The following CDC14A variants were observed in gnomAD, a reference collection of about 807,000 sequenced individuals.
The protein encoded by CDC14A is cell division cycle 14A.
Under a neutral mutation model 74.4 loss-of-function variants are expected in CDC14A, and 53 were observed. The observed-to-expected ratio is 0.71, with a 90% CI of 0.57 to 0.89. The LOEUF is 0.89. CDC14A is among the 40% of genes least tolerant of loss of function. CDC14A has a pLI of 0.00. For missense variants in CDC14A, 646 were observed against 713.7 expected (o/e 0.91, Z 1.08); for synonymous variants, 247 against 258.4 (o/e 0.96, Z 0.43).
intron 4 of CDC14A, among the ~76,000 whole-genome samples, chr1:100,392,407 T>A (rs1317786748): frequency 6.6e-6 from 1 of 152,082 alleles, no homozygotes; most frequent in Non-Finnish European, 1.5e-5. Context: ...TCCTTTCTCA[T>A]AAAGGATTGC....
At chr1:100,474,364 A>G (rs1375508719) in intron 10 of CDC14A, among the ~76,000 whole-genome samples, 2 of 152,098 alleles carry the variant, frequency 1.3e-5, no homozygotes, top group Non-Finnish European at 2.9e-5. Context: ...TGAATTGGGA[A>G]TTGTTCTTCT....
chr1:100,356,220 G>A (rs779394630), intron 2 of CDC14A, among the ~76,000 whole-genome samples: 1 of 152,172 alleles, frequency 6.6e-6, no homozygotes, highest in Non-Finnish European at 1.5e-5. Flanking sequence ...GACTCTTGAG[G>A]GATTTGGGGC....
chr1:100,441,013 A>G (rs572921328), intron 6 of CDC14A, among the ~76,000 whole-genome samples: 1 of 152,230 alleles, frequency 6.6e-6, no homozygotes, highest in Non-Finnish European at 1.5e-5. Flanking sequence ...ACGTTACCCA[A>G]CATATAACAG....
At chr1:100,468,680 A>T (rs1034224205) in intron 10 of CDC14A, among the ~76,000 whole-genome samples, 6 of 152,204 alleles carry the variant, frequency 3.9e-5, no homozygotes, top group African/African-American at 1.4e-4. Flanking sequence ...TCCCACAGCC[A>T]TTCATTCATT....
intron 9 of CDC14A, among the ~76,000 whole-genome samples, chr1:100,463,881 A>C (rs975608269): frequency 6.6e-6 from 1 of 151,988 alleles, no homozygotes; most frequent in Non-Finnish European, 1.5e-5. Flanking sequence ...CCTCATGTGC[A>C]GCTCCTCCTA....
In CDC14A at chr1:100,508,609, T is replaced by G. The variant is rs116660507; in HGVS notation, c.1755+9347T>G. 0.012 allele frequency among the ~76,000 whole-genome samples: 1,822 copies of G among 152,266 alleles called. 31 individuals are homozygous for G. Among genetic ancestry groups the G allele is most frequent in the Non-Finnish European group, 0.015 (1,037 of 68,012 alleles). On this transcript the variant is annotated intron_variant, in intron 15 of 15. Transcript: ENST00000336454. This position sits in a 1 kb window ranked among gnomAD's most constrained non-coding sequence, Gnocchi z 4.4. Reference sequence around the variant, plus strand: ...GACCTTAATGACCCAGGCTTCCATCTCTTGGTGAGCTCCTCCCAGGCTTTC... The same window carrying G: ...GACCTTAATGACCCAGGCTTCCATCGCTTGGTGAGCTCCTCCCAGGCTTTC...
intron 3 of CDC14A, among the ~76,000 whole-genome samples, chr1:100,379,101 C>T (rs964492985): frequency 6.6e-6 from 1 of 152,020 alleles, no homozygotes; most frequent in Non-Finnish European, 1.5e-5. Flanking sequence ...AATCTGGGAA[C>T]CGAGTACTAT....
intron 7 of CDC14A, among the ~76,000 whole-genome samples, chr1:100,450,193 C>G (rs1423850771): frequency 1.3e-5 from 2 of 152,164 alleles, no homozygotes; most frequent in East Asian, 3.8e-4. Context: ...GTGTAGAGTC[C>G]TAACAATTGC....
chr1:100,518,150 G>T, intron 15 of CDC14A, 101 bp from the exon 16 acceptor site: 1 of 801,712 alleles, frequency 1.2e-6, no homozygotes. Flanking sequence ...TTATTTCATT[G>T]ATCTCTAAGC....
At chr1:100,492,074 T>C (rs1056629100) in intron 11 of CDC14A, among the ~76,000 whole-genome samples, 4 of 152,148 alleles carry the variant, frequency 2.6e-5, no homozygotes, top group Non-Finnish European at 4.4e-5. Context: ...CTGTGTATTG[T>C]AGTATTTTTG....
Position 100,518,446 on chromosome 1 carries a change from A to G in CDC14A, c.*166A>G. 1.7e-6 allele frequency: 1 copy of G among 572,956 alleles called. No homozygotes were observed. The highest frequency in any genetic ancestry group is 3.1e-6 in the Non-Finnish European group (1 of 317,780). The allele number at this position is 572,956 out of a possible 1,614,324, so 35.5% of individuals were successfully genotyped here. ...CACCTTCAAGAGACTTGAAAACAGA[A>G]AACTGGTTAATGACTACTATAAATG... On this transcript the variant is annotated 3_prime_UTR_variant, in exon 16 of 16. Coordinates refer to ENST00000336454, the MANE Select transcript of CDC14A (RefSeq NM_003672.4).
chr1:100,372,984 G>T (rs995754584), intron 2 of CDC14A, among the ~76,000 whole-genome samples: 1 of 152,132 alleles, frequency 6.6e-6, no homozygotes, highest in Non-Finnish European at 1.5e-5. Flanking sequence ...TTTTGTTTTT[G>T]TATCATTCAT....
At chr1:100,389,773 A>T (rs1207777353) in intron 3 of CDC14A, among the ~76,000 whole-genome samples, 1 of 152,156 alleles carries the variant, frequency 6.6e-6, no homozygotes, top group Non-Finnish European at 1.5e-5. Flanking sequence ...TTTATAGTCA[A>T]TGTGAATTTA....
intron 10 of CDC14A, among the ~76,000 whole-genome samples, chr1:100,476,396 C>T (rs1010849885): frequency 1.2e-4 from 18 of 152,056 alleles, no homozygotes; most frequent in South Asian, 4.1e-4. Context: ...TGCAGTGAGC[C>T]GAGATTGTGC....
At chr1:100,417,181 C>T (rs1481320829) in intron 4 of CDC14A, among the ~76,000 whole-genome samples, 1 of 152,156 alleles carries the variant, frequency 6.6e-6, no homozygotes. Flanking sequence ...AAAAGACTGT[C>T]TCACTTTAGA....
In CDC14A at chr1:100,450,081, T is replaced by A. The variant is rs139074645; in HGVS notation, c.520-5324T>A. On this transcript the variant is annotated intron_variant, in intron 7 of 15. Transcript: ENST00000336454. Reference sequence around the variant, plus strand: ...AGATGTTTTAATCTAAGACCAGTTCTGTATGGAACATCAATTTAGTTTAAT... The same window carrying A: ...AGATGTTTTAATCTAAGACCAGTTCAGTATGGAACATCAATTTAGTTTAAT... Among the ~76,000 whole-genome samples the A allele has an allele frequency of 2.4e-3, 372 of 152,284 alleles. 1 individual carries two copies. The highest frequency in any genetic ancestry group is 8.1e-3 in the African/African-American group (335 of 41,558).
At position 100,420,072 on chromosome 1, in the gene CDC14A, A is replaced by ATATATG. The variant is rs1662156179; in HGVS notation, c.310-4145_310-4144insGTATAT. 1.9e-5 allele frequency among the ~76,000 whole-genome samples: 2 copies of ATATATG among 108,054 alleles called. 1 individual carries two copies. The highest frequency in any genetic ancestry group is 7.5e-5 in the African/African-American group (2 of 26,676). 70.9% of individuals were successfully genotyped at this position (108,054 alleles called of 152,430 possible). ...CACACACACACACACACATATATAT[A>ATATATG]TATATATATAGTGTGTATGTGTGTG... is the stretch of plus-strand genomic sequence containing the variant. On this transcript the variant is annotated intron_variant, in intron 4 of 15. Coordinates refer to ENST00000336454, the MANE Select transcript of CDC14A (RefSeq NM_003672.4).
chr1:100,356,689 A>G (rs763923402), intron 2 of CDC14A, among the ~76,000 whole-genome samples: 7 of 151,814 alleles, frequency 4.6e-5, no homozygotes, highest in Non-Finnish European at 7.4e-5. Flanking sequence ...CCCCGTCTCT[A>G]CTAAAAATAC....
upstream of CDC14A, among the ~76,000 whole-genome samples, chr1:100,351,163 C>T (rs549044786): frequency 9.1e-4 from 138 of 152,000 alleles, no homozygotes; most frequent in African/African-American, 2.2e-3. Flanking sequence ...CACCGCACTC[C>T]GGCCTGGGTG....
Sources: allele counts gnomAD v4.1 joint callset (sites outside exome capture counted in the v4.1 genomes callset), GRCh38; gene constraint gnomAD v4.1.1; non-coding constraint Gnocchi (gnomAD v3.1); transcripts MANE v1.5; gene names NCBI Gene and HGNC (gene_info 2026-07-23, HGNC 2026-07-21).